The following COL4A5 variants were observed in gnomAD, a reference collection of about 807,000 sequenced individuals.
COL4A5 encodes the protein collagen alpha-5(IV) chain.
COL4A5 carries 26 observed loss-of-function variants against 130.2 expected under a neutral mutation model. The ratio of observed to expected loss-of-function variants is 0.20; its 90% CI spans 0.15 to 0.28. COL4A5 has a LOEUF of 0.28. COL4A5 is among the 10% of genes least tolerant of loss of function. COL4A5 has a pLI of 1.00. For missense variants in COL4A5, 1,131 were observed against 1,344.3 expected, an observed-to-expected ratio of 0.84 and a Z score of 2.48; for synonymous variants, 496 against 439.6, an observed-to-expected ratio of 1.13 and a Z score of -1.60.
chrX:108,642,199 C>T (rs1488964866), intron 36 of COL4A5, among the ~76,000 whole-genome samples: 1 of 110,509 alleles, frequency 9.0e-6, no homozygotes, highest in Admixed American at 9.6e-5. Context: ...GATCTGGGAA[C>T]CTCACCTCCA....
chrX:108,659,605 A>G (rs1268219193), intron 37 of COL4A5, among the ~76,000 whole-genome samples: 1 of 110,289 alleles, frequency 9.1e-6, no homozygotes, highest in African/African-American at 3.3e-5. Context: ...CAGGAAACGT[A>G]TGTCTTCTTG....
intron 28 of COL4A5, among the ~76,000 whole-genome samples, chrX:108,604,478 C>G (rs1358230853): frequency 9.0e-6 from 1 of 111,709 alleles, no homozygotes; most frequent in African/African-American, 3.3e-5. Context: ...TTAAAATAGC[C>G]AGTACACTAT....
chrX:108,668,473 C>T lies in COL4A5; in HGVS notation c.3759C>T (p.Asn1253=). The change falls in exon 41 of 53, where the codon AAC becomes AAT. Residue 1253 remains asparagine (N), a synonymous_variant. Transcript: ENST00000328300. ...PGPALEGPKG[N]PGPQGPPGRP... ...CAGCTCTGGAAGGACCTAAAGGCAA[C>T]CCTGGGCCCCAAGGTCCTCCTGGGA... 8.4e-7 allele frequency: 1 copy of T among 1,195,559 alleles called. No individual in the cohort carries two copies. The highest frequency in any genetic ancestry group is 1.1e-6 in the Non-Finnish European group (1 of 887,607).
intron 38 of COL4A5, among the ~76,000 whole-genome samples, chrX:108,666,204 A>G (rs926166677): frequency 5.4e-5 from 6 of 111,584 alleles, no homozygotes; most frequent in African/African-American, 9.8e-5. Context: ...TTTCTAAAGT[A>G]AATAACTTCT....
chrX:108,578,374 A>G lies in COL4A5; in HGVS notation c.771A>G (p.Lys257=), dbSNP rs1431497601. 5 of 1,194,279 alleles carry G rather than the reference A, an allele frequency of 4.2e-6. No homozygotes were observed. Among genetic ancestry groups the G allele is most frequent in the Middle Eastern group, 5.2e-4 (2 of 3,859 alleles). ...QKRPIDVEFQ[K]GDQGLPGDRG... Reference sequence around the variant, plus strand: ...GACCAATTGATGTAGAGTTTCAGAAAGGAGATCAGGTGAGTAAGTAGGGAG... The same window carrying G: ...GACCAATTGATGTAGAGTTTCAGAAGGGAGATCAGGTGAGTAAGTAGGGAG... The change falls in exon 13 of 53, where the codon AAA becomes AAG. Residue 257 remains lysine, a synonymous_variant. Coordinates refer to ENST00000328300, the MANE Select transcript of COL4A5 (RefSeq NM_033380.3).
At chrX:108,666,731 G>A (rs775498693) in intron 39 of COL4A5, 137 bp downstream of exon 39, 14 of 555,199 alleles carry the variant, frequency 2.5e-5, no homozygotes, top group African/African-American at 7.0e-5. Context: ...CCTAGTTACC[G>A]TCTTCCTCTT....
At chrX:108,663,035 G>A (rs1031008599) in intron 37 of COL4A5, among the ~76,000 whole-genome samples, 32 of 112,055 alleles carry the variant, frequency 2.9e-4, no homozygotes, top group African/African-American at 1.0e-3. Context: ...GCTCAGCTGT[G>A]CCCAGAATAT....
At chrX:108,649,024 A>T (rs1355598708) in intron 36 of COL4A5, among the ~76,000 whole-genome samples, 1 of 111,886 alleles carries the variant, frequency 8.9e-6, no homozygotes, top group Non-Finnish European at 1.9e-5. Context: ...GCTAGAACTG[A>T]TAAAAGAATT....
intron 37 of COL4A5, among the ~76,000 whole-genome samples, chrX:108,663,311 T>C (rs1200999970): frequency 8.9e-6 from 1 of 111,790 alleles, no homozygotes; most frequent in African/African-American, 3.3e-5. Context: ...CAGAAGTGTT[T>C]AGGGGTAAAT....
intron 2 of COL4A5, among the ~76,000 whole-genome samples, chrX:108,540,171 G>C (rs1921203687): frequency 9.0e-6 from 1 of 111,233 alleles, no homozygotes; most frequent in South Asian, 3.8e-4. Flanking sequence ...TATTTCTGGC[G>C]ACCACAGAAG....
chrX:108,647,890 T>C (rs1462908178), intron 36 of COL4A5, among the ~76,000 whole-genome samples: 1 of 111,801 alleles, frequency 8.9e-6, no homozygotes, highest in African/African-American at 3.3e-5. Context: ...CGTTTATTGA[T>C]TTGCGAATGT....
intron 1 of COL4A5, among the ~76,000 whole-genome samples, chrX:108,468,801 A>G (rs1459682708): frequency 9.1e-6 from 1 of 109,449 alleles, no homozygotes; most frequent in Non-Finnish European, 1.9e-5. Flanking sequence ...CTATTTTTAC[A>G]GGGACTATTA....
intron 36 of COL4A5, among the ~76,000 whole-genome samples, chrX:108,647,156 A>C (rs1287274499): frequency 9.1e-6 from 1 of 110,280 alleles, no homozygotes; most frequent in Non-Finnish European, 1.9e-5. Context: ...CATTGAATCT[A>C]TAAATTACCT....
At chrX:108,518,821 G>C (rs1030766749) in intron 1 of COL4A5, among the ~76,000 whole-genome samples, 10 of 111,172 alleles carry the variant, frequency 9.0e-5, no homozygotes, top group Admixed American at 3.8e-4. Flanking sequence ...CTTTCCAACT[G>C]ATTAACGTGT....
At chrX:108,563,305 A>G (rs1221307433) in intron 3 of COL4A5, among the ~76,000 whole-genome samples, 1 of 111,761 alleles carries the variant, frequency 8.9e-6, no homozygotes, top group African/African-American at 3.2e-5. Flanking sequence ...ATGGGTACAT[A>G]TGTTAACATA....
rs771496098 is a variant in COL4A5, at chrX:108,467,318, A to T, written c.81+27112A>T. 6.3e-5 allele frequency among the ~76,000 whole-genome samples: 7 copies of T among 111,982 alleles called. No homozygotes were observed. In the East Asian group the frequency reaches 1.4e-3, roughly 22 times the overall value. ...TCAAAAATCAATTTACCATTGATGT[A>T]TGGGCTTATTTCTAGACTCTCCGTT... On this transcript the variant is annotated intron_variant, in intron 1 of 52. Coordinates refer to ENST00000328300, the MANE Select transcript of COL4A5 (RefSeq NM_033380.3).
chrX:108,530,816 G>T (rs2065375129), intron 1 of COL4A5, among the ~76,000 whole-genome samples: 1 of 107,062 alleles, frequency 9.3e-6, no homozygotes, highest in Non-Finnish European at 1.9e-5. Flanking sequence ...CAGGGATCTA[G>T]AACTAGAAAT....
At chrX:108,684,265 A>G (rs1485648554) in intron 47 of COL4A5, among the ~76,000 whole-genome samples, 1 of 111,635 alleles carries the variant, frequency 9.0e-6, no homozygotes, top group Non-Finnish European at 1.9e-5. Flanking sequence ...AACTAAGATC[A>G]TAGCAGAAGT....
chrX:108,606,886 C>T lies in COL4A5; in HGVS notation c.2389C>T (p.Pro797Ser), dbSNP rs1409239477. The change falls in exon 29 of 53, where the codon CCA becomes TCA. Residue 797 changes from proline (P) to serine (S), a missense_variant. By Grantham distance (74) the Pro-to-Ser change is moderately conservative (BLOSUM62 -1). Transcript: ENST00000328300. Reference sequence around the variant, plus strand: ...CACTGGCTTAGATGGGCTCCCTGGACCAAAAGGTATGGAGGCTGTCACTGC... The same window carrying T: ...CACTGGCTTAGATGGGCTCCCTGGATCAAAAGGTATGGAGGCTGTCACTGC... ...GRTGLDGLPG[P>S]KGDVGPNGQP... The T allele has an allele frequency of 1.3e-5, 16 of 1,210,818 alleles. No homozygotes were observed. In the South Asian group the frequency reaches 2.5e-4, roughly 19 times the overall value.
Sources: gnomAD v4.1 joint callset for allele counts (sites outside exome capture counted in the v4.1 genomes callset) on GRCh38, gnomAD v4.1.1 for gene constraint, MANE v1.5 for transcripts, NCBI Gene and HGNC (gene_info 2026-07-23, HGNC 2026-07-21) for gene names.